The following TENM3 variants were observed in gnomAD, a reference collection of about 807,000 sequenced individuals.
TENM3 encodes the protein teneurin transmembrane protein 3.
Under a neutral mutation model 255.1 loss-of-function variants are expected in TENM3, and 63 were observed. The observed-to-expected ratio is 0.25, with a 90% CI of 0.20 to 0.30. The LOEUF (loss-of-function observed/expected upper bound fraction) is 0.30, where lower values mean the gene tolerates loss of function less well. Among genes scored for constraint, TENM3 ranks in the 10% least tolerant of loss-of-function variants. The probability of loss-of-function intolerance (pLI) is 1.00; values close to 1 mark genes in which losing one functional copy is unlikely to be tolerated. For missense variants in TENM3, 2,929 were observed against 3,461.1 expected (o/e 0.85, Z 3.86); for synonymous variants, 1,306 against 1,322.3 (o/e 0.99, Z 0.27).
At chr4:182,066,597 A>ATATATAT in the TENM3 span, among the ~76,000 whole-genome samples, 4 of 24,442 alleles carry the variant, frequency 1.6e-4, no homozygotes, top group South Asian at 9.7e-3. Flanking sequence ...TGGTAAAAAA[A>ATATATAT]AAATATATAT....
chr4:182,196,767 A>G (rs13115107), intron 1 of TENM3, among the ~76,000 whole-genome samples: 32,136 of 152,180 alleles, frequency 0.21, 4,153 homozygotes, highest in Non-Finnish European at 0.29. Context: ...TTTTCTACAC[A>G]TTTGAAAGGA....
intron 3 of TENM3, among the ~76,000 whole-genome samples, chr4:182,454,461 G>A (rs1773714254): frequency 6.6e-6 from 1 of 152,090 alleles, no homozygotes; most frequent in Non-Finnish European, 1.5e-5. Context: ...GTCTTTTAAT[G>A]ATGATGATTA....
At chr4:181,701,795 C>T in the TENM3 span, among the ~76,000 whole-genome samples, 2 of 152,152 alleles carry the variant, frequency 1.3e-5, no homozygotes, top group Admixed American at 1.3e-4. Context: ...TAAATGGATA[C>T]ATTTATTTAT....
chr4:182,581,669 G>A (rs187791730), intron 3 of TENM3, among the ~76,000 whole-genome samples: 79 of 152,102 alleles, frequency 5.2e-4, no homozygotes, highest in African/African-American at 1.9e-3. Flanking sequence ...CCCAGGAGGC[G>A]GAGGTTGCAG....
chr4:182,751,531 TAA>T (rs1762369013), intron 19 of TENM3, among the ~76,000 whole-genome samples: 1 of 152,210 alleles, frequency 6.6e-6, no homozygotes, highest in Non-Finnish European at 1.5e-5. Flanking sequence ...TACTGCCTTT[TAA>T]AGGTAATATT....
At chr4:182,715,074 G>A (rs1031110514) in intron 13 of TENM3, among the ~76,000 whole-genome samples, 1 of 152,166 alleles carries the variant, frequency 6.6e-6, no homozygotes, top group Admixed American at 6.5e-5. Context: ...AGGAGAGACA[G>A]GGTTTCTCCA....
At chr4:182,025,020 A>ATTTTTTTTTTTTTTTTTTTTT in the TENM3 span, among the ~76,000 whole-genome samples, 5 of 121,112 alleles carry the variant, frequency 4.1e-5, 1 homozygote, top group African/African-American at 1.7e-4. Context: ...ACAGGATTTC[A>ATTTTTTTTTTTTTTTTTTTTT]TTTTTTTTTT....
chr4:181,526,598 A>G, the TENM3 span, among the ~76,000 whole-genome samples: 1 of 151,834 alleles, frequency 6.6e-6, no homozygotes, highest in African/African-American at 2.4e-5. Flanking sequence ...GGTCCTTTGC[A>G]CTCTTCGAGG....
At chr4:182,112,088 C>T in the TENM3 span, among the ~76,000 whole-genome samples, 6 of 152,116 alleles carry the variant, frequency 3.9e-5, no homozygotes, top group African/African-American at 1.4e-4. Flanking sequence ...CCGGGAGTTC[C>T]AGGCCGCAGT....
the TENM3 span, among the ~76,000 whole-genome samples, chr4:181,560,298 C>T: frequency 6.6e-6 from 1 of 152,184 alleles, no homozygotes; most frequent in African/African-American, 2.4e-5. Flanking sequence ...GACCTAATCA[C>T]CTCCCCAAAG....
intron 3 of TENM3, among the ~76,000 whole-genome samples, chr4:182,516,200 A>G (rs938032789): frequency 9.9e-5 from 15 of 152,240 alleles, no homozygotes; most frequent in African/African-American, 2.9e-4. Context: ...GTTAGGAACT[A>G]TTCATTCTGC....
chr4:182,675,834 A>G lies in TENM3; in HGVS notation c.1326+2615A>G, dbSNP rs565986019. Among the ~76,000 whole-genome samples, 5 of 152,356 alleles carry G rather than the reference A, an allele frequency of 3.3e-5. No homozygotes were observed. In the East Asian group the frequency reaches 9.6e-4, roughly 29 times the overall value. ...ATTTAGTTGACTGCAAGTTGTATAT[A>G]ACATTTAAGATTAGAGAAATGAAAG... On this transcript the variant is annotated intron_variant, in intron 7 of 27. Coordinates refer to ENST00000511685, the MANE Select transcript of TENM3 (RefSeq NM_001080477.4).
In TENM3 at chr4:182,649,081, C is replaced by T. The variant is rs1753019621; in HGVS notation, c.989-4690C>T. Among the ~76,000 whole-genome samples the T allele has an allele frequency of 2.0e-5, 3 of 152,102 alleles. 1 individual carries two copies. Among genetic ancestry groups the T allele is most frequent in the South Asian group, 4.2e-4 (2 of 4,798 alleles). On this transcript the variant is annotated intron_variant, in intron 5 of 27. Transcript: ENST00000511685. ...TTTGTTACTATGTGGATACATATTTCTATGGGGTATACAAACAGACTTTTG... is the reference window on the plus strand; with the variant it reads ...TTTGTTACTATGTGGATACATATTTTTATGGGGTATACAAACAGACTTTTG...
Position 182,251,359 on chromosome 4 carries a change from G to A in TENM3, c.-76+7883G>A, listed in dbSNP as rs576888617. On this transcript the variant is annotated intron_variant, in intron 1 of 27. Transcript: ENST00000511685. ...GGCATGTGCCCGTAGTCCTGGCTAC[G>A]TGGGGGACTGAAGTGGGAGGATCAC... is the stretch of plus-strand genomic sequence containing the variant. 6.3e-4 allele frequency among the ~76,000 whole-genome samples: 96 copies of A among 152,166 alleles called. 2 individuals are homozygous for A. Among genetic ancestry groups the A allele is most frequent in the African/African-American group, 2.1e-3 (86 of 41,518 alleles).
intron 3 of TENM3, among the ~76,000 whole-genome samples, chr4:182,394,839 T>C (rs1197405851): frequency 1.3e-5 from 2 of 152,190 alleles, no homozygotes; most frequent in African/African-American, 2.4e-5. Flanking sequence ...CAATCTACAA[T>C]TCCCAGACTG....
the TENM3 span, among the ~76,000 whole-genome samples, chr4:181,693,155 G>A: frequency 6.6e-6 from 1 of 152,174 alleles, no homozygotes; most frequent in Non-Finnish European, 1.5e-5. Context: ...TTACATTTGA[G>A]GTCACGTGAT....
chr4:181,656,470 G>T, the TENM3 span, among the ~76,000 whole-genome samples: 34 of 152,306 alleles, frequency 2.2e-4, no homozygotes, highest in African/African-American at 6.7e-4. Context: ...GCGATTTGGC[G>T]GTGGAAAATA....
rs115264731 is a variant in TENM3, at chr4:182,276,774, C to T, written c.-76+33298C>T. ...TTCTGCTTATTATCTTTCAAAGTGA[C>T]GTATTTCATATATTTCGTCTGTATG... is the stretch of plus-strand genomic sequence containing the variant. On this transcript the variant is annotated intron_variant, in intron 1 of 27. Coordinates refer to ENST00000511685, the MANE Select transcript of TENM3 (RefSeq NM_001080477.4). 1.9e-3 allele frequency among the ~76,000 whole-genome samples: 283 copies of T among 152,238 alleles called. 1 individual carries two copies. Among genetic ancestry groups the T allele is most frequent in the African/African-American group, 6.5e-3 (269 of 41,530 alleles).
intron 19 of TENM3, among the ~76,000 whole-genome samples, chr4:182,748,502 C>G (rs899582688): frequency 6.6e-6 from 1 of 152,178 alleles, no homozygotes; most frequent in African/African-American, 2.4e-5. Context: ...AGTTGGAAAG[C>G]AAGCACGAGC....
Sources: allele counts gnomAD v4.1 joint callset (sites outside exome capture counted in the v4.1 genomes callset), GRCh38; gene constraint gnomAD v4.1.1; transcripts MANE v1.5; gene names NCBI Gene and HGNC (gene_info 2026-07-23, HGNC 2026-07-21).